Variants in ACTR3 observed in about 807,000 individuals in gnomAD.
The protein encoded by ACTR3 is actin related protein 3.
ACTR3 carries 12 observed loss-of-function variants against 56.8 expected under a neutral mutation model. The observed-to-expected ratio is 0.21, with a 90% CI of 0.14 to 0.34. The LOEUF (loss-of-function observed/expected upper bound fraction) is 0.34, where lower values mean the gene tolerates loss of function less well. ACTR3 is among the 10% of genes least tolerant of loss of function. The pLI is 1.00. For missense variants in ACTR3, 282 were observed against 512.5 expected (o/e 0.55, Z 4.34); for synonymous variants, 162 against 167.4 (o/e 0.97, Z 0.25).
intron 1 of ACTR3, chr2:113,890,528 G>A: frequency 7.4e-7 from 1 of 1,358,166 alleles, no homozygotes; most frequent in Non-Finnish European, 9.6e-7. Flanking sequence ...GGGCGGGGGC[G>A]CGGGCCCGAG....
chr2:113,958,202 CA>C lies in ACTR3; in HGVS notation c.*751del. On this transcript the variant is annotated 3_prime_UTR_variant, in exon 12 of 12. Transcript: ENST00000263238. The stretch of plus-strand genomic sequence containing the variant: ...AAACAAAACAACAACAATAATTTAT[CA>C]AAATTGGCATATTTAAAGCCTAACA... 6.6e-6 allele frequency: 1 copy of C among 152,554 alleles called. No homozygotes were observed. The highest frequency in any genetic ancestry group is 1.5e-5 in the Non-Finnish European group (1 of 67,982). 9.5% of individuals were successfully genotyped at this position (152,554 alleles called of 1,614,324 possible).
chr2:113,890,115 AGCCTGCT>A lies in ACTR3; in HGVS notation c.-162_-156del. On this transcript the variant is annotated 5_prime_UTR_variant, in exon 1 of 12. Coordinates refer to ENST00000263238, the MANE Select transcript of ACTR3 (RefSeq NM_005721.5). ...TTGCGGAAGTGATAGCCGCCGACCG[AGCCTGCT>A]GCTTTCTTGCTACTGCTTCGGCTTC... 1 of 808,344 alleles carries A rather than the reference AGCCTGCT, an allele frequency of 1.2e-6. No homozygotes were observed. Among genetic ancestry groups the A allele is most frequent in the Non-Finnish European group, 2.0e-6 (1 of 503,596 alleles). 50.1% of individuals were successfully genotyped at this position (808,344 alleles called of 1,614,324 possible). A position where few individuals can be genotyped will look rare whatever the true frequency, so the allele number is the denominator to read the frequency against.
chr2:113,900,182 A>G (rs1369402780), intron 1 of ACTR3, among the ~76,000 whole-genome samples: 2 of 151,892 alleles, frequency 1.3e-5, no homozygotes, highest in African/African-American at 4.8e-5. Context: ...TTTCCAGTCA[A>G]TTTCATTTTT....
At chr2:113,942,752 C>T (rs1255834064) in intron 8 of ACTR3, among the ~76,000 whole-genome samples, 1 of 151,634 alleles carries the variant, frequency 6.6e-6, no homozygotes, top group Non-Finnish European at 1.5e-5. Flanking sequence ...GACCATTATA[C>T]AAAGAACCTT....
At chr2:113,943,348 GGACA>G (rs984108542) in intron 8 of ACTR3, among the ~76,000 whole-genome samples, 5 of 152,178 alleles carry the variant, frequency 3.3e-5, no homozygotes. Flanking sequence ...AAAGTATAGA[GGACA>G]GATTGGTAGG....
intron 1 of ACTR3, among the ~76,000 whole-genome samples, chr2:113,902,545 T>C (rs1280118373): frequency 2.6e-5 from 4 of 151,978 alleles, no homozygotes; most frequent in African/African-American, 9.7e-5. Flanking sequence ...TAGTAAGAGC[T>C]TTTCTATATA....
chr2:113,944,973 G>A (rs1679990112), intron 8 of ACTR3, among the ~76,000 whole-genome samples: 2 of 152,110 alleles, frequency 1.3e-5, no homozygotes, highest in African/African-American at 4.8e-5. Flanking sequence ...TTTTGATAAA[G>A]CAGAGATTAA....
intron 1 of ACTR3, among the ~76,000 whole-genome samples, chr2:113,908,316 C>A (rs1482290597): frequency 6.8e-6 from 1 of 146,498 alleles, no homozygotes. Context: ...TACAAAATTT[C>A]TTCTTTATGG....
intron 1 of ACTR3, among the ~76,000 whole-genome samples, chr2:113,908,343 A>G (rs1210250190): frequency 1.3e-5 from 2 of 150,778 alleles, no homozygotes; most frequent in African/African-American, 2.4e-5. Flanking sequence ...TCGAATTTTT[A>G]GAGTTCATAA....
At chr2:113,936,610 T>C (rs1017289978) in intron 6 of ACTR3, among the ~76,000 whole-genome samples, 1 of 152,202 alleles carries the variant, frequency 6.6e-6, no homozygotes, top group African/African-American at 2.4e-5. Flanking sequence ...CATTTTACTT[T>C]TATATGTTGT....
In ACTR3 at chr2:113,927,335, G is replaced by A; in HGVS notation, c.226-10G>A. 1 of 1,509,660 alleles carries A rather than the reference G, an allele frequency of 6.6e-7. No individual in the cohort carries two copies. The highest frequency in any genetic ancestry group is 8.9e-7 in the Non-Finnish European group (1 of 1,125,102). The allele number at this position is 1,509,660 out of a possible 1,614,324, so 93.5% of individuals were successfully genotyped here. Reference sequence around the variant, plus strand: ...AGATTTAATTTGTATTTCCCTTTTTGTTTTAATAGTGGCCAATCCGCCATG... The same window carrying A: ...AGATTTAATTTGTATTTCCCTTTTTATTTTAATAGTGGCCAATCCGCCATG... On this transcript the variant is annotated splice_polypyrimidine_tract_variant and intron_variant, in intron 3 of 11. Coordinates refer to ENST00000263238, the MANE Select transcript of ACTR3 (RefSeq NM_005721.5).
chr2:113,890,544 A>G (rs1032356881), intron 1 of ACTR3: 1 of 1,364,146 alleles, frequency 7.3e-7, no homozygotes, highest in African/African-American at 1.5e-5. Context: ...CCGAGATTCA[A>G]CCCCCAACCC....
At position 113,962,230 on chromosome 2, in the gene ACTR3, T is replaced by C. The variant is rs1262874460; in HGVS notation, c.*4775T>C. ...GGGATTACTAAGTGATCATGACTTT[T>C]CTGAAGCAGGTCTTAAATAATTATC... On this transcript the variant is annotated 3_prime_UTR_variant, in exon 12 of 12. Transcript: ENST00000263238. 6.6e-6 allele frequency: 1 copy of C among 152,024 alleles called. No individual in the cohort carries two copies. Among genetic ancestry groups the C allele is most frequent in the Non-Finnish European group, 1.5e-5 (1 of 67,918 alleles). The allele number at this position is 152,024 out of a possible 1,614,324, so 9.4% of individuals were successfully genotyped here. A position where few individuals can be genotyped will look rare whatever the true frequency, so the allele number is the denominator to read the frequency against.
intron 1 of ACTR3, among the ~76,000 whole-genome samples, chr2:113,893,851 G>A (rs184715035): frequency 6.8e-4 from 103 of 152,200 alleles, no homozygotes; most frequent in African/African-American, 1.6e-3. Context: ...AGCAGATTAA[G>A]GAATTTTGCT....
At chr2:113,950,258 G>C (rs1480461159) in intron 8 of ACTR3, among the ~76,000 whole-genome samples, 1 of 152,168 alleles carries the variant, frequency 6.6e-6, no homozygotes. Context: ...CTTTTTCTCT[G>C]TAAGACACAT....
intron 1 of ACTR3, chr2:113,905,112 C>T (rs917543975): frequency 3.3e-5 from 5 of 152,088 alleles, no homozygotes; most frequent in African/African-American, 1.2e-4. Flanking sequence ...AAGTCTCCTG[C>T]ACTCCAGGGT....
chr2:113,961,194 A>G lies in ACTR3; in HGVS notation c.*3739A>G, dbSNP rs1680318954. 1 of 151,934 alleles carries G rather than the reference A, an allele frequency of 6.6e-6. No homozygotes were observed. The highest frequency in any genetic ancestry group is 2.1e-4 in the South Asian group (1 of 4,832). 9.4% of individuals were successfully genotyped at this position (151,934 alleles called of 1,614,324 possible). A position where few individuals can be genotyped will look rare whatever the true frequency, so the allele number is the denominator to read the frequency against. On this transcript the variant is annotated 3_prime_UTR_variant, in exon 12 of 12. Coordinates refer to ENST00000263238, the MANE Select transcript of ACTR3 (RefSeq NM_005721.5). ...CTATGATATGAGAACTTTTATTATA[A>G]TTTGCCTCAGTCTTGATAGAATCTT...
chr2:113,923,249 GTT>G, intron 3 of ACTR3, among the ~76,000 whole-genome samples: 1 of 152,244 alleles, frequency 6.6e-6, no homozygotes. Flanking sequence ...ATATGTAACA[GTT>G]TTCATCCTTC....
intron 1 of ACTR3, among the ~76,000 whole-genome samples, chr2:113,892,357 C>T (rs1418124299): frequency 1.3e-5 from 2 of 152,184 alleles, no homozygotes; most frequent in East Asian, 1.9e-4. Context: ...TTGGTTTCTC[C>T]AATAAGGAGA....
Sources: allele counts gnomAD v4.1 joint callset (sites outside exome capture counted in the v4.1 genomes callset), GRCh38; gene constraint gnomAD v4.1.1; transcripts MANE v1.5; gene names NCBI Gene and HGNC (gene_info 2026-07-23, HGNC 2026-07-21).